Variants in RALGAPB observed in about 807,000 individuals in gnomAD.
RALGAPB encodes Ral GTPase activating protein non-catalytic subunit beta.
A neutral mutation model predicts 161.1 loss-of-function variants in RALGAPB; 25 were observed. The ratio of observed to expected loss-of-function variants is 0.16; its 90% CI spans 0.11 to 0.22. RALGAPB has a LOEUF of 0.22. RALGAPB is among the 10% of genes least tolerant of loss of function. The probability of loss-of-function intolerance (pLI) is 1.00; values close to 1 mark genes in which losing one functional copy is unlikely to be tolerated. For missense variants in RALGAPB, 1,391 were observed against 1,815.2 expected, an observed-to-expected ratio of 0.77 and a Z score of 4.25; for synonymous variants, 629 against 626.1, an observed-to-expected ratio of 1.00 and a Z score of -0.07.
At chr20:38,483,117 G>A (rs182035768) in intron 1 of RALGAPB, among the ~76,000 whole-genome samples, 20 of 152,264 alleles carry the variant, frequency 1.3e-4, no homozygotes, top group Admixed American at 3.3e-4. Context: ...TCAAAGTCTT[G>A]GACTCAAGCA....
chr20:38,548,881 T>C, intron 20 of RALGAPB, 86 bp downstream of exon 20: 1 of 1,165,372 alleles, frequency 8.6e-7, no homozygotes, highest in Non-Finnish European at 1.3e-6. Flanking sequence ...ACAGATCAAA[T>C]AAATATTTTT....
At chr20:38,528,489 A>G (rs1304630250) in intron 13 of RALGAPB, among the ~76,000 whole-genome samples, 1 of 151,808 alleles carries the variant, frequency 6.6e-6, no homozygotes, top group African/African-American at 2.4e-5. Flanking sequence ...TTCTGCCGCA[A>G]CCTCTGAAGT....
intron 3 of RALGAPB, among the ~76,000 whole-genome samples, chr20:38,494,585 T>C (rs537106321): frequency 6.6e-6 from 1 of 152,150 alleles, no homozygotes; most frequent in African/African-American, 2.4e-5. Flanking sequence ...GAGCCGAGAT[T>C]GCACCACTGC....
At chr20:38,549,114 T>C (rs1291231398) in intron 20 of RALGAPB, among the ~76,000 whole-genome samples, 3 of 152,200 alleles carry the variant, frequency 2.0e-5, no homozygotes, top group Non-Finnish European at 4.4e-5. Flanking sequence ...GTCAGATATA[T>C]ACCATACGTG....
At chr20:38,510,685 C>T (rs976778080) in intron 6 of RALGAPB, among the ~76,000 whole-genome samples, 3 of 120,046 alleles carry the variant, frequency 2.5e-5, no homozygotes, top group African/African-American at 6.6e-5. Context: ...CCGAGGCGGG[C>T]GGATCACGAG....
At chr20:38,525,371 C>A (rs1458466313) in intron 11 of RALGAPB, 33 bp from the exon 12 acceptor site, 13 of 1,483,578 alleles carry the variant, frequency 8.8e-6, no homozygotes, top group East Asian at 4.5e-5. Flanking sequence ...TGCTTTAGTT[C>A]AAAAATACTA....
In RALGAPB at chr20:38,476,481, C is replaced by G. The variant is rs1409442283; in HGVS notation, c.-31+3412C>G. On this transcript the variant is annotated intron_variant, in intron 1 of 29. Coordinates refer to ENST00000262879, the MANE Select transcript of RALGAPB (RefSeq NM_020336.4). The stretch of plus-strand genomic sequence containing the variant: ...GCCTCCTTCCTCTGGACGGTGTCCC[C>G]TTTCGCCCCCGACCCCTTCCCCATG... Among the ~76,000 whole-genome samples, 4 of 152,314 alleles carry G rather than the reference C, an allele frequency of 2.6e-5. No individual in the cohort carries two copies. The East Asian group carries it at 7.7e-4, about 29-fold the overall frequency.
intron 19 of RALGAPB, chr20:38,546,873 A>C (rs8117073): frequency 6.3e-6 from 1 of 158,436 alleles, no homozygotes; most frequent in Non-Finnish European, 1.4e-5. Context: ...TTAGTTTCTA[A>C]GTTTCCATCT....
intron 1 of RALGAPB, among the ~76,000 whole-genome samples, chr20:38,480,545 C>G (rs2084937331): frequency 6.6e-6 from 1 of 151,178 alleles, no homozygotes. Context: ...CGCCACCATG[C>G]CCTGCTAGTT....
At chr20:38,558,526 G>T in intron 23 of RALGAPB, 73 bp downstream of exon 23, 1 of 1,298,036 alleles carries the variant, frequency 7.7e-7, no homozygotes, top group Non-Finnish European at 1.0e-6. Flanking sequence ...AAAAATTGAG[G>T]CAAAATTAAT....
At chr20:38,482,810 G>C (rs1173614523) in intron 1 of RALGAPB, among the ~76,000 whole-genome samples, 2 of 152,112 alleles carry the variant, frequency 1.3e-5, no homozygotes, top group Non-Finnish European at 2.9e-5. Context: ...CATGGACAAG[G>C]GCATGTTTCA....
chr20:38,556,426 T>G (rs574571625), intron 22 of RALGAPB, among the ~76,000 whole-genome samples: 131 of 152,166 alleles, frequency 8.6e-4, no homozygotes, highest in African/African-American at 2.9e-3. Flanking sequence ...AGACAGTTTG[T>G]AGGTAGTATG....
At chr20:38,566,250 T>G (rs1275725574) in intron 25 of RALGAPB, among the ~76,000 whole-genome samples, 1 of 152,188 alleles carries the variant, frequency 6.6e-6, no homozygotes, top group Non-Finnish European at 1.5e-5. Flanking sequence ...TGTCTTACTC[T>G]CTGGGGCCGG....
At chr20:38,552,066 C>T (rs568878719) in intron 21 of RALGAPB, among the ~76,000 whole-genome samples, 1 of 151,398 alleles carries the variant, frequency 6.6e-6, no homozygotes, top group Non-Finnish European at 1.5e-5. Context: ...ACACTGTTAA[C>T]AGTAAAGGCA....
At chr20:38,517,756 TG>T in intron 8 of RALGAPB, 27 bp from the exon 9 acceptor site, 1 of 1,605,954 alleles carries the variant, frequency 6.2e-7, no homozygotes. Flanking sequence ...TTCATTGGTA[TG>T]GGTGTATTCT....
intron 5 of RALGAPB, 130 bp from the exon 6 acceptor site, chr20:38,508,947 G>T (rs943997122): frequency 8.9e-6 from 9 of 1,006,602 alleles, no homozygotes; most frequent in Non-Finnish European, 1.0e-5. Flanking sequence ...ATAAATGAGG[G>T]TTTCCATATG....
At chr20:38,563,190 A>G (rs2087850695) in intron 24 of RALGAPB, among the ~76,000 whole-genome samples, 2 of 152,274 alleles carry the variant, frequency 1.3e-5, no homozygotes, top group East Asian at 3.8e-4. Context: ...ATGTATACAC[A>G]TAATGATAGA....
At chr20:38,506,635 G>A (rs1568922559) in intron 5 of RALGAPB, among the ~76,000 whole-genome samples, 1 of 152,130 alleles carries the variant, frequency 6.6e-6, no homozygotes, top group Non-Finnish European at 1.5e-5. Context: ...TTTTGTTGAA[G>A]AAACTGGGTT....
In RALGAPB at chr20:38,577,494, A is replaced by C. The variant is rs961159231; in HGVS notation, c.*2527A>C. ...TGAGTGTGGCATTCCGTGAAGAGGA[A>C]GGTGGTAAGTAAGGTTTCCCTTCTA... On this transcript the variant is annotated 3_prime_UTR_variant, in exon 30 of 30. Transcript: ENST00000262879. 6.6e-6 allele frequency: 1 copy of C among 152,182 alleles called. No individual in the cohort carries two copies. Among genetic ancestry groups the C allele is most frequent in the Non-Finnish European group, 1.5e-5 (1 of 68,084 alleles). The allele number at this position is 152,182 out of a possible 1,614,324, so 9.4% of individuals were successfully genotyped here. A position where few individuals can be genotyped will look rare whatever the true frequency, so the allele number is the denominator to read the frequency against.
Sources: allele counts gnomAD v4.1 joint callset (sites outside exome capture counted in the v4.1 genomes callset), GRCh38; gene constraint gnomAD v4.1.1; transcripts MANE v1.5; gene names NCBI Gene and HGNC (gene_info 2026-07-23, HGNC 2026-07-21).